Variants in RFTN1 observed in about 807,000 individuals in gnomAD.
RFTN1 encodes the protein raftlin.
RFTN1 carries 26 observed loss-of-function variants against 46.5 expected under a neutral mutation model. The observed-to-expected ratio is 0.56, with a 90% CI of 0.41 to 0.78. The LOEUF is 0.78. Ranked by LOEUF, RFTN1 falls within the 30% of genes least tolerant of loss-of-function variation. The probability of loss-of-function intolerance (pLI) is 0.00; values close to 1 mark genes in which losing one functional copy is unlikely to be tolerated. For synonymous variants in RFTN1, 261 were observed against 284.2 expected (o/e 0.92, Z 0.82); for missense variants, 693 against 718.7 (o/e 0.96, Z 0.41).
Position 16,361,761 on chromosome 3 carries a change from A to C in RFTN1, c.1031-3714T>G, listed in dbSNP as rs748228101. Among the ~76,000 whole-genome samples, 3 of 152,184 alleles carry C rather than the reference A, an allele frequency of 2.0e-5. No individual in the cohort carries two copies. Among genetic ancestry groups the C allele is most frequent in the Non-Finnish European group, 2.9e-5 (2 of 68,032 alleles). On this transcript the variant is annotated intron_variant, in intron 6 of 9. Coordinates refer to ENST00000334133, the MANE Select transcript of RFTN1 (RefSeq NM_015150.2). This position sits in a 1 kb window ranked among gnomAD's most constrained non-coding sequence, Gnocchi z 4.3. ...AATGGGATATTAGCAGGTGTAATGC[A>C]AGCAGAGACATAAAAAGCACGTGTG...
rs2068364429 is a variant in RFTN1, at chr3:16,316,110, G to T, written c.*718C>A. On this transcript the variant is annotated 3_prime_UTR_variant, in exon 10 of 10. Transcript: ENST00000334133. The surrounding 1 kb of genome is among the most constrained non-coding windows in gnomAD (Gnocchi z 4.5). ...GATGCCCTGAAGTGACAGAAGTAATGTGGTTTGTATGATGTGCTGAGTACA... is the reference window on the plus strand; with the variant it reads ...GATGCCCTGAAGTGACAGAAGTAATTTGGTTTGTATGATGTGCTGAGTACA... 6.5e-6 allele frequency: 1 copy of T among 152,856 alleles called. No homozygotes were observed. Among genetic ancestry groups the T allele is most frequent in the South Asian group, 2.1e-4 (1 of 4,838 alleles). The allele number at this position is 152,856 out of a possible 1,614,324, so 9.5% of individuals were successfully genotyped here. A position where few individuals can be genotyped will look rare whatever the true frequency, so the allele number is the denominator to read the frequency against.
chr3:16,358,107 C>T, intron 6 of RFTN1, 60 bp from the exon 7 acceptor site: 2 of 913,710 alleles, frequency 2.2e-6, no homozygotes, highest in South Asian at 2.7e-5. Flanking sequence ...TGGCAGAAGT[C>T]TTCTAAGCAG....
intron 1 of RFTN1, among the ~76,000 whole-genome samples, chr3:16,496,802 C>T (rs1010033215): frequency 6.6e-6 from 1 of 152,108 alleles, no homozygotes; most frequent in Non-Finnish European, 1.5e-5. Flanking sequence ...ATTACTCATA[C>T]CAGCCCCATC....
At position 16,442,630 on chromosome 3, in the gene RFTN1, C is replaced by A. The variant is rs907987596; in HGVS notation, c.146-8593G>T. Among the ~76,000 whole-genome samples, 3 of 152,170 alleles carry A rather than the reference C, an allele frequency of 2.0e-5. No homozygotes were observed. Among genetic ancestry groups the A allele is most frequent in the South Asian group, 4.1e-4 (2 of 4,822 alleles). On this transcript the variant is annotated intron_variant, in intron 2 of 9. Coordinates refer to ENST00000334133, the MANE Select transcript of RFTN1 (RefSeq NM_015150.2). This position sits in a 1 kb window ranked among gnomAD's most constrained non-coding sequence, Gnocchi z 4.1. ...CTATTCCCTGAGCAGATCTCCAGTA[C>A]GCGATGTTATTAGCTATAGTCCCCA...
At position 16,468,155 on chromosome 3, in the gene RFTN1, C is replaced by T. The variant is rs374738259; in HGVS notation, c.145+25570G>A. Among the ~76,000 whole-genome samples the T allele has an allele frequency of 9.9e-5, 15 of 152,210 alleles. No homozygotes were observed. The highest frequency in any genetic ancestry group is 1.7e-4 in the African/African-American group (7 of 41,444). ...CAGGGTGAGCTATATTTATATCCCA[C>T]GGCTGGTGATGCCTCAGCACACTTC... On this transcript the variant is annotated intron_variant, in intron 2 of 9. Coordinates refer to ENST00000334133, the MANE Select transcript of RFTN1 (RefSeq NM_015150.2). The surrounding 1 kb of genome is among the most constrained non-coding windows in gnomAD (Gnocchi z 4.4).
chr3:16,485,463 A>T (rs1274016012), intron 2 of RFTN1, among the ~76,000 whole-genome samples: 1 of 152,254 alleles, frequency 6.6e-6, no homozygotes, highest in East Asian at 1.9e-4. Context: ...GACTCCATAC[A>T]TACAACATCA....
rs754404457 is a variant in RFTN1 at position 16,316,989 on chromosome 3, G to A, written c.1576C>T (p.Leu526=). ...TCACCCTCCACACCCACCCCACACA[G>A]CAGGCCACCAGGGGACAGCTGTTCT... The part of the protein sequence containing the change: ...KGEQLSPGGL[L]CGVGVEGEAV... The change falls in exon 10 of 10, where the codon CTG becomes TTG. Residue 526 remains leucine (L), a synonymous_variant. Transcript: ENST00000334133. The surrounding 1 kb of genome is among the most constrained non-coding windows in gnomAD (Gnocchi z 4.5). 1.2e-6 allele frequency: 2 copies of A among 1,613,302 alleles called. No individual in the cohort carries two copies. Among genetic ancestry groups the A allele is most frequent in the East Asian group, 2.2e-5 (1 of 44,776 alleles).
rs62236338 is a variant in RFTN1 at position 16,403,563 on chromosome 3, C to G, written c.441+5812G>C. Among the ~76,000 whole-genome samples, 21 of 108,480 alleles carry G rather than the reference C, an allele frequency of 1.9e-4. 4 individuals carry two copies. Among genetic ancestry groups the G allele is most frequent in the African/African-American group, 6.6e-4 (17 of 25,820 alleles). 71.2% of individuals were successfully genotyped at this position (108,480 alleles called of 152,430 possible). ...TATGAGAGACAGAGACAGAGACACA[C>G]ACACACACACATATATTATATTTTA... On this transcript the variant is annotated intron_variant, in intron 4 of 9. Coordinates refer to ENST00000334133, the MANE Select transcript of RFTN1 (RefSeq NM_015150.2).
At chr3:16,508,518 G>T (rs1320591929) in intron 1 of RFTN1, among the ~76,000 whole-genome samples, 1 of 152,166 alleles carries the variant, frequency 6.6e-6, no homozygotes, top group African/African-American at 2.4e-5. Context: ...GGAGAGCAAG[G>T]AATTAGCCGG....
chr3:16,406,813 A>T (rs2125442954), intron 4 of RFTN1, among the ~76,000 whole-genome samples: 1 of 152,342 alleles, frequency 6.6e-6, no homozygotes, highest in South Asian at 2.1e-4. Flanking sequence ...TCAGTTTCTA[A>T]GAACCTACAC....
At chr3:16,469,236 C>A (rs1415786134) in intron 2 of RFTN1, among the ~76,000 whole-genome samples, 1 of 152,214 alleles carries the variant, frequency 6.6e-6, no homozygotes. Flanking sequence ...ATAGTATATA[C>A]TTCACTGAGT....
intron 3 of RFTN1, among the ~76,000 whole-genome samples, chr3:16,420,243 A>G (rs2075159557): frequency 6.6e-6 from 1 of 152,220 alleles, no homozygotes; most frequent in Admixed American, 6.5e-5. Context: ...GAGAGCAGCC[A>G]CACAGAATGG....
Position 16,317,343 on chromosome 3 carries a change from TC to T in RFTN1, c.1333-112del. On this transcript the variant is annotated intron_variant, in intron 9 of 9. Coordinates refer to ENST00000334133, the MANE Select transcript of RFTN1 (RefSeq NM_015150.2). This position sits in a 1 kb window ranked among gnomAD's most constrained non-coding sequence, Gnocchi z 4.3. ...ACCATGTCTGAGTGAGACATACAAT[TC>T]CCAGCATCCCCCAGCCAGGCAGTAC... 1 of 1,144,446 alleles carries T rather than the reference TC, an allele frequency of 8.7e-7. No individual in the cohort carries two copies. Among genetic ancestry groups the T allele is most frequent in the Non-Finnish European group, 1.2e-6 (1 of 804,202 alleles). The allele number at this position is 1,144,446 out of a possible 1,614,324, so 70.9% of individuals were successfully genotyped here.
chr3:16,317,306 A>G lies in RFTN1; in HGVS notation c.1333-74T>C. The G allele has an allele frequency of 1.4e-6, 2 of 1,471,418 alleles. No homozygotes were observed. The highest frequency in any genetic ancestry group is 1.2e-5 in the South Asian group (1 of 84,910). The allele number at this position is 1,471,418 out of a possible 1,614,324, so 91.1% of individuals were successfully genotyped here. ...GAGCTTCACCCAAAGCCTTGTTTGC[A>G]TTCATACCCACACCATGTCTGAGTG... On this transcript the variant is annotated intron_variant, in intron 9 of 9. Coordinates refer to ENST00000334133, the MANE Select transcript of RFTN1 (RefSeq NM_015150.2). The surrounding 1 kb of genome is among the most constrained non-coding windows in gnomAD (Gnocchi z 4.3).
In RFTN1 at chr3:16,389,462, C is replaced by T. The variant is rs577388864; in HGVS notation, c.442-11360G>A. 1.0e-4 allele frequency among the ~76,000 whole-genome samples: 15 copies of T among 149,020 alleles called. No individual in the cohort carries two copies. The South Asian group carries it at 2.2e-3, about 22-fold the overall frequency. ...CAGAGCACATGAAGATATGTGATCC[C>T]TTTGAGTAACAAATAGGAGATGGGT... On this transcript the variant is annotated intron_variant, in intron 4 of 9. Transcript: ENST00000334133.
chr3:16,426,654 A>G lies in RFTN1; in HGVS notation c.332+7197T>C. On this transcript the variant is annotated intron_variant, in intron 3 of 9. Transcript: ENST00000334133. This position sits in a 1 kb window ranked among gnomAD's most constrained non-coding sequence, Gnocchi z 5.9. ...CAAATCACTGTTATTTTGGCAATGA[A>G]AGGATCGTGTGTGTGTGTGTGTGTG... is the stretch of plus-strand genomic sequence containing the variant. 8.6e-6 allele frequency among the ~76,000 whole-genome samples: 1 copy of G among 115,654 alleles called. No individual in the cohort carries two copies. Among genetic ancestry groups the G allele is most frequent in the South Asian group, 2.9e-4 (1 of 3,446 alleles). The allele number at this position is 115,654 out of a possible 152,430, so 75.9% of individuals were successfully genotyped here.
intron 2 of RFTN1, among the ~76,000 whole-genome samples, chr3:16,477,236 C>T (rs527351216): frequency 1.6e-4 from 25 of 152,294 alleles, no homozygotes; most frequent in Non-Finnish European, 2.9e-4. Context: ...GCACCTATCT[C>T]ATTTAAGGTT....
chr3:16,469,649 A>G (rs556050254), intron 2 of RFTN1, among the ~76,000 whole-genome samples: 1 of 152,370 alleles, frequency 6.6e-6, no homozygotes, highest in Admixed American at 6.5e-5. Context: ...AGAGAGGACC[A>G]GGAGCTTGGG....
intron 3 of RFTN1, among the ~76,000 whole-genome samples, chr3:16,423,295 G>A (rs2075226959): frequency 6.6e-6 from 1 of 152,128 alleles, no homozygotes; most frequent in East Asian, 1.9e-4. Flanking sequence ...CAGGGATGGG[G>A]GGTTTGCTGG....
Sources: allele counts gnomAD v4.1 joint callset (sites outside exome capture counted in the v4.1 genomes callset), GRCh38; gene constraint gnomAD v4.1.1; non-coding constraint Gnocchi (gnomAD v3.1); transcripts MANE v1.5; gene names NCBI Gene and HGNC (gene_info 2026-07-23, HGNC 2026-07-21).